RAB5C: variants seen among roughly 807,000 people sequenced by gnomAD.
The protein encoded by RAB5C is RAB5C, member RAS oncogene family.
In RAB5C, 4 loss-of-function variants were observed where a neutral mutation model predicts 25.2. That is an observed-to-expected ratio of 0.16 (90% CI 0.08 to 0.36). The LOEUF (loss-of-function observed/expected upper bound fraction) is 0.36. RAB5C is among the 10% of genes least tolerant of loss of function. The pLI, the probability that RAB5C is intolerant of heterozygous loss-of-function variation, is 1.00. For missense variants in RAB5C, 199 were observed against 283.8 expected, an observed-to-expected ratio of 0.70 and a Z score of 2.15; for synonymous variants, 100 against 106.4, an observed-to-expected ratio of 0.94 and a Z score of 0.37.
At position 42,125,383 on chromosome 17, in the gene RAB5C, A is replaced by C. The variant is rs889302260; in HGVS notation, c.*400T>G. On this transcript the variant is annotated 3_prime_UTR_variant, in exon 6 of 6. Transcript: ENST00000346213. Reference sequence around the variant, plus strand: ...CACTCCGAACAAAGTGAGGATGTGGATGCTCTTGCTGGGTCCGCTGTTCCG... The same window carrying C: ...CACTCCGAACAAAGTGAGGATGTGGCTGCTCTTGCTGGGTCCGCTGTTCCG... The C allele has an allele frequency of 1.3e-5, 2 of 159,526 alleles. No individual in the cohort carries two copies. Among genetic ancestry groups the C allele is most frequent in the Non-Finnish European group, 2.8e-5 (2 of 72,616 alleles). The allele number at this position is 159,526 out of a possible 1,614,324, so 9.9% of individuals were successfully genotyped here.
chr17:42,148,732 G>A lies in RAB5C; in HGVS notation c.-89+6161C>T, dbSNP rs1598258718. 2.0e-5 allele frequency among the ~76,000 whole-genome samples: 3 copies of A among 152,368 alleles called. No homozygotes were observed. In the East Asian group the frequency reaches 5.8e-4, roughly 29 times the overall value. The stretch of plus-strand genomic sequence containing the variant: ...AACTGAGCTTTGAGAGAAAAGTAGG[G>A]AGATACAGTTTCCAGGCACGTGAGG... On this transcript the variant is annotated intron_variant, in intron 1 of 5. Coordinates refer to ENST00000346213, the MANE Select transcript of RAB5C (RefSeq NM_004583.4).
chr17:42,154,386 T>G (rs2079692712), intron 1 of RAB5C, among the ~76,000 whole-genome samples: 1 of 151,920 alleles, frequency 6.6e-6, no homozygotes, highest in African/African-American at 2.4e-5. Flanking sequence ...AGAGAGGAAG[T>G]AAGGAGTTGC....
rs71357528 is a variant in RAB5C at position 42,126,631 on chromosome 17, CAAAAAAAAAAAAAAAAA to C, written c.535+107_535+123del. On this transcript the variant is annotated intron_variant, in intron 5 of 5. Coordinates refer to ENST00000346213, the MANE Select transcript of RAB5C (RefSeq NM_004583.4). ...TGGGTGATAGAGCGAGACTCCATCTCAAAAAAAAAAAAAAAAAAAAAAAAAAAGAGTGGTGAAGGGAC... is the reference window on the plus strand; with the variant it reads ...TGGGTGATAGAGCGAGACTCCATCTCAAAAAAAAAAGAGTGGTGAAGGGAC... 1.1e-3 allele frequency: 93 copies of C among 84,562 alleles called. 3 individuals carry two copies. Among genetic ancestry groups the C allele is most frequent in the South Asian group, 7.8e-3 (86 of 10,956 alleles). The allele number at this position is 84,562 out of a possible 1,614,324, so 5.2% of individuals were successfully genotyped here.
intron 1 of RAB5C, among the ~76,000 whole-genome samples, chr17:42,132,182 C>A (rs1292186278): frequency 6.6e-6 from 1 of 152,170 alleles, no homozygotes; most frequent in Non-Finnish European, 1.5e-5. Context: ...TCGTTTTCCA[C>A]ATCCAAGTTC....
intron 1 of RAB5C, among the ~76,000 whole-genome samples, chr17:42,148,560 C>T (rs2079651330): frequency 6.6e-6 from 1 of 152,074 alleles, no homozygotes; most frequent in Non-Finnish European, 1.5e-5. Context: ...CAAACAGGAC[C>T]CGATCTGTGC....
rs2079698252 is a variant in RAB5C, at chr17:42,154,944, G to C, written c.-140C>G. Reference sequence around the variant, plus strand: ...TGGGGCCGGGGCTCGGACGGGATCCGCTTCTCTCCCCGCCGGCGGTGTCCC... The same window carrying C: ...TGGGGCCGGGGCTCGGACGGGATCCCCTTCTCTCCCCGCCGGCGGTGTCCC... On this transcript the variant is annotated 5_prime_UTR_variant, in exon 1 of 6. Coordinates refer to ENST00000346213, the MANE Select transcript of RAB5C (RefSeq NM_004583.4). The C allele has an allele frequency of 6.6e-6, 1 of 152,304 alleles. No individual in the cohort carries two copies. The highest frequency in any genetic ancestry group is 2.4e-5 in the African/African-American group (1 of 41,462). The allele number at this position is 152,304 out of a possible 1,614,324, so 9.4% of individuals were successfully genotyped here.
At chr17:42,128,565 G>C in intron 3 of RAB5C, 84 bp downstream of exon 3, 1 of 1,365,032 alleles carries the variant, frequency 7.3e-7, no homozygotes, top group Non-Finnish European at 9.7e-7. Flanking sequence ...GGGTTAAGCG[G>C]CCTGAAATCA....
chr17:42,142,333 C>A (rs868828238), intron 1 of RAB5C, among the ~76,000 whole-genome samples: 1 of 152,092 alleles, frequency 6.6e-6, no homozygotes, highest in African/African-American at 2.4e-5. Flanking sequence ...CCGCGCCCAG[C>A]CCACAAAGCA....
chr17:42,128,530 T>TGGGGGGGGGGG, intron 3 of RAB5C, 119 bp downstream of exon 3: 3 of 730,788 alleles, frequency 4.1e-6, no homozygotes, highest in Non-Finnish European at 6.2e-6. Context: ...ACAGGAAATC[T>TGGGGGGGGGGG]GCCCACCCCC....
chr17:42,149,156 C>T (rs943039441), intron 1 of RAB5C, among the ~76,000 whole-genome samples: 3 of 152,144 alleles, frequency 2.0e-5, no homozygotes, highest in African/African-American at 4.8e-5. Context: ...TTTGGCACAT[C>T]CTAGTTTATA....
intron 4 of RAB5C, 26 bp from the exon 5 acceptor site, chr17:42,126,874 G>A: frequency 6.5e-7 from 1 of 1,527,974 alleles, no homozygotes; most frequent in Non-Finnish European, 9.0e-7. Context: ...GTGAGAGGAG[G>A]TGAGAGGGAA....
At chr17:42,150,696 T>C (rs1046186645) in intron 1 of RAB5C, among the ~76,000 whole-genome samples, 2 of 145,942 alleles carry the variant, frequency 1.4e-5, no homozygotes, top group African/African-American at 2.5e-5. Flanking sequence ...TCAAACCCCA[T>C]CTCTACAAAA....
chr17:42,151,191 C>A (rs1464970991), intron 1 of RAB5C, among the ~76,000 whole-genome samples: 1 of 152,194 alleles, frequency 6.6e-6, no homozygotes, highest in Non-Finnish European at 1.5e-5. Context: ...AATCCCAGCA[C>A]TTTGGGAGGC....
At chr17:42,153,947 T>TATG (rs1391890788) in intron 1 of RAB5C, among the ~76,000 whole-genome samples, 2 of 152,194 alleles carry the variant, frequency 1.3e-5, no homozygotes, top group Non-Finnish European at 2.9e-5. Flanking sequence ...TGTGGACCTG[T>TATG]TGCTCAGGGA....
intron 1 of RAB5C, among the ~76,000 whole-genome samples, chr17:42,144,977 A>AAAAG (rs773328847): frequency 4.2e-4 from 53 of 125,348 alleles, no homozygotes; most frequent in Middle Eastern, 4.1e-3. Flanking sequence ...AAAAAAAAAA[A>AAAAG]AAAGAAACCC....
intron 2 of RAB5C, among the ~76,000 whole-genome samples, chr17:42,129,050 C>A (rs568858775): frequency 1.9e-3 from 285 of 152,220 alleles, no homozygotes; most frequent in African/African-American, 6.6e-3. Flanking sequence ...GGGACTCCTG[C>A]ATGCACTGAG....
chr17:42,151,307 G>A (rs2079669755), intron 1 of RAB5C, among the ~76,000 whole-genome samples: 1 of 152,064 alleles, frequency 6.6e-6, no homozygotes, highest in African/African-American at 2.4e-5. Context: ...CGTGGTGGTG[G>A]GCACCTGTAG....
At chr17:42,140,513 A>G (rs1234673971) in intron 1 of RAB5C, among the ~76,000 whole-genome samples, 1 of 34,162 alleles carries the variant, frequency 2.9e-5, no homozygotes, top group Non-Finnish European at 4.3e-5. Flanking sequence ...ATATATATAT[A>G]TATTTTTTTT....
chr17:42,133,908 C>G (rs765729224), intron 1 of RAB5C, among the ~76,000 whole-genome samples: 1 of 152,146 alleles, frequency 6.6e-6, no homozygotes, highest in Non-Finnish European at 1.5e-5. Context: ...ACAGGCTCTC[C>G]CTGGCATGAA....
Sources: gnomAD v4.1 joint callset for allele counts (sites outside exome capture counted in the v4.1 genomes callset) on GRCh38, gnomAD v4.1.1 for gene constraint, MANE v1.5 for transcripts, NCBI Gene and HGNC (gene_info 2026-07-23, HGNC 2026-07-21) for gene names.